The following MARS1 variants were observed in gnomAD, a reference collection of about 807,000 sequenced individuals.
The protein encoded by MARS1 is methionyl-tRNA synthetase 1, also known as methionine--tRNA ligase, cytoplasmic.
A neutral mutation model predicts 119.5 loss-of-function variants in MARS1; 80 were observed. The ratio of observed to expected loss-of-function variants is 0.67; its 90% CI spans 0.56 to 0.81. The LOEUF (loss-of-function observed/expected upper bound fraction) is 0.81. MARS1 is among the 30% of genes least tolerant of loss of function. The pLI is 0.00. For missense variants in MARS1, 945 were observed against 1,116.5 expected (o/e 0.85, Z 2.19); for synonymous variants, 418 against 433.4 (o/e 0.96, Z 0.44).
At position 57,512,489 on chromosome 12, in the gene MARS1, TC is replaced by T. The variant is rs1228738004; in HGVS notation, c.1753+137del. ...AATAGGAAATAATTAAAATGAGAAC[TC>T]AACCTAGAGAAACGAACAAGAACCT... On this transcript the variant is annotated intron_variant, in intron 14 of 20. Transcript: ENST00000262027. 5 of 716,314 alleles carry T rather than the reference TC, an allele frequency of 7.0e-6. No individual in the cohort carries two copies. The African/African-American group carries it at 8.9e-5, about 13-fold the overall frequency. 44.4% of individuals were successfully genotyped at this position (716,314 alleles called of 1,614,324 possible).
intron 10 of MARS1, among the ~76,000 whole-genome samples, chr12:57,502,576 C>T (rs367850081): frequency 6.6e-6 from 1 of 151,726 alleles, no homozygotes; most frequent in South Asian, 2.1e-4. Flanking sequence ...TGTGGTGGTG[C>T]GTGCCTGTAA....
intron 5 of MARS1, 102 bp from the exon 6 acceptor site, chr12:57,490,104 TG>T (rs1875817535): frequency 4.8e-6 from 7 of 1,471,932 alleles, no homozygotes; most frequent in Non-Finnish European, 6.6e-6. Flanking sequence ...TTGAGGGAAC[TG>T]GGGAAAGCAA....
At chr12:57,488,260 C>G in intron 1 of MARS1, 61 bp downstream of exon 1, 11 of 1,497,830 alleles carry the variant, frequency 7.3e-6, no homozygotes, top group Non-Finnish European at 1.0e-5. Flanking sequence ...ACGCCAGATT[C>G]TCTGCAGCTG....
intron 15 of MARS1, 143 bp from the exon 16 acceptor site, chr12:57,514,577 C>A: frequency 1.1e-6 from 1 of 939,340 alleles, no homozygotes; most frequent in Non-Finnish European, 1.7e-6. Context: ...TGTCTACTAG[C>A]TTGAGGGAGC....
intron 9 of MARS1, chr12:57,500,054 A>G (rs1203164147): frequency 2.3e-6 from 1 of 438,902 alleles, no homozygotes; most frequent in African/African-American, 2.0e-5. Flanking sequence ...TGTTAATGAA[A>G]AATACAAAAC....
chr12:57,492,539 C>T (rs571568342), intron 7 of MARS1, among the ~76,000 whole-genome samples: 1 of 151,832 alleles, frequency 6.6e-6, no homozygotes, highest in Admixed American at 6.6e-5. Context: ...GGCACGGTGG[C>T]TCGTGCCTGT....
Position 57,489,031 on chromosome 12 carries a change from C to T in MARS1, c.122C>T (p.Pro41Leu), listed in dbSNP as rs1216370838. The T allele has an allele frequency of 6.2e-7, 1 of 1,613,350 alleles. No individual in the cohort carries two copies. ...ATTCTTGCATCAGATTGTGTGGTCC[C>T]GTTCCTGACCCGGCCTAAGGTCCCT... ...STVGPEDCVV[P>L]FLTRPKVPVL... Residue 41 changes from proline (P) to leucine (L), a missense_variant, in exon 2 of 21, where the codon CCG (proline) becomes CTG (leucine). Pro to Leu is a moderately conservative substitution (Grantham distance 98). Coordinates refer to ENST00000262027, the MANE Select transcript of MARS1 (RefSeq NM_004990.4).
intron 16 of MARS1, 26 bp from the exon 17 acceptor site, chr12:57,514,928 C>G: frequency 6.2e-7 from 1 of 1,613,878 alleles, no homozygotes; most frequent in Non-Finnish European, 8.5e-7. Context: ...GGACATTACA[C>G]CTTGGCCTGC....
chr12:57,495,680 G>C (rs567943037), intron 7 of MARS1, among the ~76,000 whole-genome samples: 1 of 152,220 alleles, frequency 6.6e-6, no homozygotes, highest in Non-Finnish European at 1.5e-5. Context: ...AGCGAGCCGA[G>C]ATCACGCCAC....
At position 57,514,996 on chromosome 12, in the gene MARS1, T is replaced by C. The variant is rs1877716729; in HGVS notation, c.2142T>C (p.His714=). The change falls in exon 17 of 21, where the codon CAT becomes CAC. Residue 714 remains histidine (H), a synonymous_variant. Coordinates refer to ENST00000262027, the MANE Select transcript of MARS1 (RefSeq NM_004990.4). ...ALRSILTISR[H]GNQYIQVNEP... ...GCAGTATCCTCACCATATCTCGACA[T>C]GGCAACCAATATATTCAGGTGAATG... 6.2e-7 allele frequency: 1 copy of C among 1,614,184 alleles called. No individual in the cohort carries two copies.
intron 4 of MARS1, 63 bp downstream of exon 4, chr12:57,489,621 CTG>C: frequency 1.2e-6 from 2 of 1,604,178 alleles, no homozygotes; most frequent in Non-Finnish European, 1.7e-6. Context: ...AGAGGGAAGA[CTG>C]TATTCAGAGT....
chr12:57,490,390 G>A lies in MARS1; in HGVS notation c.663+11G>A, dbSNP rs76150936. On this transcript the variant is annotated intron_variant, in intron 6 of 20. Coordinates refer to ENST00000262027, the MANE Select transcript of MARS1 (RefSeq NM_004990.4). Reference sequence around the variant, plus strand: ...ACCAATGAGCCTGAGGTTTGGAATAGGGCAGAGCCTTGGGGCCTGAGGTGG... The same window carrying A: ...ACCAATGAGCCTGAGGTTTGGAATAAGGCAGAGCCTTGGGGCCTGAGGTGG... 1,292 of 1,612,310 alleles carry A rather than the reference G, an allele frequency of 8.0e-4. No individual in the cohort carries two copies. The highest frequency in any genetic ancestry group is 9.8e-4 in the Non-Finnish European group (1,152 of 1,179,832).
At chr12:57,498,122 C>T in intron 7 of MARS1, 35 bp from the exon 8 acceptor site, 1 of 1,390,374 alleles carries the variant, frequency 7.2e-7, no homozygotes, top group Non-Finnish European at 1.0e-6. Context: ...CCTCACATCC[C>T]CCCATGCACT....
intron 11 of MARS1, among the ~76,000 whole-genome samples, chr12:57,508,541 A>G (rs895394270): frequency 6.6e-6 from 1 of 152,262 alleles, no homozygotes; most frequent in Non-Finnish European, 1.5e-5. Flanking sequence ...CGCGCCCGCA[A>G]TCGCAGGCAC....
chr12:57,498,429 C>T lies in MARS1; in HGVS notation c.897C>T (p.Arg299=). 6.2e-7 allele frequency: 1 copy of T among 1,613,770 alleles called. No individual in the cohort carries two copies. The highest frequency in any genetic ancestry group is 8.5e-7 in the Non-Finnish European group (1 of 1,180,022). Residue 299 remains arginine, a synonymous_variant, in exon 9 of 21, where the codon CGC becomes CGT. Transcript: ENST00000262027. The part of the protein sequence containing the change: ...LSADVFARYS[R]LRQWNTLYLC... ...CCATATTCCCTTGCAGGTACTCTCG[C>T]CTCCGCCAGTGGAACACCCTCTATC...
intron 18 of MARS1, 78 bp from the exon 19 acceptor site, chr12:57,515,842 G>C: frequency 1.9e-6 from 2 of 1,049,178 alleles, no homozygotes; most frequent in Non-Finnish European, 2.9e-6. Context: ...AGAGATTGGG[G>C]TTGGAGAGGT....
At chr12:57,503,918 A>G (rs1594824285) in intron 10 of MARS1, 1 of 254,444 alleles carries the variant, frequency 3.9e-6, no homozygotes, top group African/African-American at 2.3e-5. Flanking sequence ...TCACTTCATC[A>G]CTCCTTCCTC....
chr12:57,498,113 C>G (rs142261644), intron 7 of MARS1, 44 bp from the exon 8 acceptor site: 2 of 1,317,200 alleles, frequency 1.5e-6, no homozygotes, highest in East Asian at 2.3e-5. Context: ...CCTGTTGACC[C>G]TCACATCCCC....
At chr12:57,508,223 G>T (rs866833145) in intron 11 of MARS1, among the ~76,000 whole-genome samples, 22 of 152,216 alleles carry the variant, frequency 1.4e-4, no homozygotes, top group African/African-American at 5.1e-4. Context: ...ACGATGGGTG[G>T]CCAGGCAGAG....
Sources: gnomAD v4.1 joint callset for allele counts (sites outside exome capture counted in the v4.1 genomes callset) on GRCh38, gnomAD v4.1.1 for gene constraint, MANE v1.5 for transcripts, NCBI Gene and HGNC (gene_info 2026-07-23, HGNC 2026-07-21) for gene names.